Variants in OTOGL observed in about 807,000 individuals in gnomAD.
OTOGL encodes the protein otogelin like, also known as otogelin-like protein.
OTOGL carries 285 observed loss-of-function variants against 318.5 expected under a neutral mutation model. The ratio of observed to expected loss-of-function variants is 0.89; its 90% CI spans 0.81 to 0.99. The LOEUF is 0.99. OTOGL is among the 50% of genes least tolerant of loss of function. OTOGL has a pLI of 0.00. For missense variants in OTOGL, 2,899 were observed against 2,845.6 expected (o/e 1.02, Z -0.43); for synonymous variants, 987 against 936.5 (o/e 1.05, Z -0.99).
At chr12:80,340,170 A>G (rs1888674202) in intron 43 of OTOGL, among the ~76,000 whole-genome samples, 1 of 152,152 alleles carries the variant, frequency 6.6e-6, no homozygotes, top group South Asian at 2.1e-4. Flanking sequence ...TGGATCACCT[A>G]TTGTGTGTCT....
intron 52 of OTOGL, among the ~76,000 whole-genome samples, chr12:80,362,990 T>G (rs2400696): frequency 0.94 from 143,029 of 152,080 alleles, 67,336 homozygotes; most frequent in East Asian, 1. Context: ...ACAGAGTCTG[T>G]CTCTGTTGCT....
intron 1 of OTOGL, among the ~76,000 whole-genome samples, chr12:80,120,928 T>A (rs1870451502): frequency 6.6e-6 from 1 of 152,172 alleles, no homozygotes; most frequent in South Asian, 2.1e-4. Context: ...AACTGATTCC[T>A]TCCCCAAGAA....
intron 1 of OTOGL, among the ~76,000 whole-genome samples, chr12:80,133,815 T>C (rs1467278363): frequency 6.6e-6 from 1 of 151,950 alleles, no homozygotes; most frequent in Non-Finnish European, 1.5e-5. Context: ...ATTAGCTGGC[T>C]TTTGTGGTGC....
Position 80,265,173 on chromosome 12 carries a change from T to A in OTOGL, c.2187T>A (p.Gly729=). 1 of 1,613,824 alleles carries A rather than the reference T, an allele frequency of 6.2e-7. No individual in the cohort carries two copies. Among genetic ancestry groups the A allele is most frequent in the Non-Finnish European group, 8.5e-7 (1 of 1,179,844 alleles). The change falls in exon 20 of 59, where the codon GGT becomes GGA. Residue 729 remains glycine (G), a synonymous_variant. Transcript: ENST00000547103. The part of the protein sequence containing the change: ...AHYAYLCGQH[G]VPIDFRTQIS... ...ATGCCTACCTCTGCGGCCAGCACGG[T>A]GTTCCCATTGATTTCAGAACTCAGA...
intron 32 of OTOGL, among the ~76,000 whole-genome samples, chr12:80,316,856 G>C (rs529903448): frequency 6.6e-6 from 1 of 152,162 alleles, no homozygotes; most frequent in East Asian, 1.9e-4. Context: ...AATTTACCTA[G>C]TCCTTTTTGG....
intron 1 of OTOGL, among the ~76,000 whole-genome samples, chr12:80,145,838 C>G (rs1872314441): frequency 6.6e-6 from 1 of 151,826 alleles, no homozygotes; most frequent in African/African-American, 2.4e-5. Context: ...TGGGAGTTCA[C>G]TCATGATTTG....
At chr12:80,214,028 A>G (rs1877490779) in intron 4 of OTOGL, among the ~76,000 whole-genome samples, 1 of 152,236 alleles carries the variant, frequency 6.6e-6, no homozygotes, top group Non-Finnish European at 1.5e-5. Flanking sequence ...GTGATTTCCC[A>G]TCTAAAGACT....
intron 32 of OTOGL, among the ~76,000 whole-genome samples, chr12:80,315,867 C>T (rs898455265): frequency 1.3e-5 from 2 of 152,092 alleles, no homozygotes; most frequent in African/African-American, 4.8e-5. Context: ...AAGAGACTGC[C>T]ACACACGTGC....
At chr12:80,236,124 C>A (rs902103366) in intron 9 of OTOGL, among the ~76,000 whole-genome samples, 5 of 152,126 alleles carry the variant, frequency 3.3e-5, no homozygotes, top group Non-Finnish European at 4.4e-5. Flanking sequence ...TCAGGGATGA[C>A]TTCACAAAGA....
chr12:80,140,028 C>G (rs537127902), intron 1 of OTOGL, among the ~76,000 whole-genome samples: 1 of 152,276 alleles, frequency 6.6e-6, no homozygotes, highest in South Asian at 2.1e-4. Context: ...AAGCCCTGGG[C>G]AAGAATCCCA....
At chr12:80,324,812 A>G (rs1383910874) in intron 35 of OTOGL, among the ~76,000 whole-genome samples, 12 of 152,220 alleles carry the variant, frequency 7.9e-5, no homozygotes, top group Admixed American at 7.9e-4. Context: ...AAGTTTTGCC[A>G]TTTTTGGTAG....
At chr12:80,319,455 A>C (rs1343458971) in intron 33 of OTOGL, among the ~76,000 whole-genome samples, 2 of 152,202 alleles carry the variant, frequency 1.3e-5, no homozygotes, top group Admixed American at 6.5e-5. Flanking sequence ...TCCAGTTAGA[A>C]TAAATTATAT....
chr12:80,148,154 G>T (rs1212547837), intron 1 of OTOGL, among the ~76,000 whole-genome samples: 1 of 151,468 alleles, frequency 6.6e-6, no homozygotes, highest in African/African-American at 2.4e-5. Flanking sequence ...AGTCTCGATG[G>T]TCTTTACATT....
At chr12:80,336,674 GATA>G (rs1232121739) in intron 40 of OTOGL, 119 bp downstream of exon 40, 1 of 1,418,842 alleles carries the variant, frequency 7.0e-7, no homozygotes, top group Non-Finnish European at 9.6e-7. Context: ...TCGGTCTTCT[GATA>G]ATGTTTCAGA....
chr12:80,290,228 C>G (rs1402668757), intron 26 of OTOGL, among the ~76,000 whole-genome samples: 1 of 152,082 alleles, frequency 6.6e-6, no homozygotes, highest in African/African-American at 2.4e-5. Flanking sequence ...CACCCACTCT[C>G]TAACCAGTCC....
intron 11 of OTOGL, among the ~76,000 whole-genome samples, chr12:80,244,171 T>A (rs1034378151): frequency 6.7e-5 from 10 of 149,430 alleles, no homozygotes; most frequent in Non-Finnish European, 1.3e-4. Flanking sequence ...TTTCTTTTTT[T>A]CTTTTTTTTT....
At chr12:80,112,693 G>C (rs1869916785) in intron 1 of OTOGL, among the ~76,000 whole-genome samples, 1 of 148,810 alleles carries the variant, frequency 6.7e-6, no homozygotes, top group Non-Finnish European at 1.5e-5. Flanking sequence ...AGGGATATTT[G>C]CCTGAAATTT....
intron 9 of OTOGL, among the ~76,000 whole-genome samples, chr12:80,235,501 T>C (rs1301215131): frequency 6.7e-6 from 1 of 149,774 alleles, no homozygotes; most frequent in African/African-American, 2.4e-5. Context: ...AAAGACTGCT[T>C]TGGGCAACTT....
rs7957716 is a variant in OTOGL at position 80,357,114 on chromosome 12, A to G, written c.6019+200A>G. Among the ~76,000 whole-genome samples, 18,666 of 152,146 alleles carry G rather than the reference A, an allele frequency of 0.12. 2,606 individuals carry two copies. Among genetic ancestry groups the G allele is most frequent in the African/African-American group, 0.34 (14,084 of 41,454 alleles). On this transcript the variant is annotated intron_variant, in intron 49 of 58. Transcript: ENST00000547103. Reference sequence around the variant, plus strand: ...TAATAAATACCTTCCCCCATCAACAAAAACTACATACATCAGTCCAAATAT... The same window carrying G: ...TAATAAATACCTTCCCCCATCAACAGAAACTACATACATCAGTCCAAATAT...
Sources: allele counts gnomAD v4.1 joint callset (sites outside exome capture counted in the v4.1 genomes callset), GRCh38; gene constraint gnomAD v4.1.1; transcripts MANE v1.5; gene names NCBI Gene and HGNC (gene_info 2026-07-23, HGNC 2026-07-21).